Variants in SLCO3A1 observed in about 807,000 individuals in gnomAD.
SLCO3A1 encodes the protein PGE1 transporter.
SLCO3A1 carries 27 observed loss-of-function variants against 63.1 expected under a neutral mutation model. That is an observed-to-expected ratio of 0.43 (90% CI 0.32 to 0.59). SLCO3A1 has a LOEUF of 0.59. Among genes scored for constraint, SLCO3A1 ranks in the 20% least tolerant of loss-of-function variants. SLCO3A1 has a pLI of 0.09. For missense variants in SLCO3A1, 773 were observed against 945.8 expected (o/e 0.82, Z 2.40); for synonymous variants, 473 against 409.9 (o/e 1.15, Z -1.86).
rs1900733357 is a variant in SLCO3A1, at chr15:91,968,339, C to T, written c.646+51881C>T. Among the ~76,000 whole-genome samples the T allele has an allele frequency of 6.6e-6, 1 of 152,032 alleles. No individual in the cohort carries two copies. Among genetic ancestry groups the T allele is most frequent in the Non-Finnish European group, 1.5e-5 (1 of 68,022 alleles). ...CATCATTAAAATGACTTTCTAGTCT[C>T]CTGCGAGCTTTCTCTCAAGTAGATT... On this transcript the variant is annotated intron_variant, in intron 2 of 9. Transcript: ENST00000318445. This position sits in a 1 kb window ranked among gnomAD's most constrained non-coding sequence, Gnocchi z 4.2.
intron 7 of SLCO3A1, among the ~76,000 whole-genome samples, chr15:92,145,779 C>T (rs1467675000): frequency 6.6e-6 from 1 of 152,198 alleles, no homozygotes; most frequent in African/African-American, 2.4e-5. Context: ...GGCACCTGCT[C>T]TGGGCAGACA....
intron 2 of SLCO3A1, among the ~76,000 whole-genome samples, chr15:91,994,497 G>T (rs1277908269): frequency 1.3e-5 from 2 of 152,204 alleles, no homozygotes; most frequent in Admixed American, 1.3e-4. Flanking sequence ...AGCCTGGCCA[G>T]AGTCCATGCC....
intron 2 of SLCO3A1, among the ~76,000 whole-genome samples, chr15:91,935,753 CTG>C (rs1446637368): frequency 6.6e-6 from 1 of 152,134 alleles, no homozygotes; most frequent in African/African-American, 2.4e-5. Flanking sequence ...GAGCAGGTAT[CTG>C]TGCCTATATG....
intron 1 of SLCO3A1, among the ~76,000 whole-genome samples, chr15:91,914,441 A>G (rs1432547590): frequency 6.6e-6 from 1 of 152,084 alleles, no homozygotes; most frequent in African/African-American, 2.4e-5. Context: ...GGTTCAAACC[A>G]GGTTTTCTTC....
chr15:91,993,333 G>A (rs1401210788), intron 2 of SLCO3A1, among the ~76,000 whole-genome samples: 1 of 152,188 alleles, frequency 6.6e-6, no homozygotes, highest in African/African-American at 2.4e-5. Context: ...AAGTTACAGA[G>A]CACTTTTGGT....
intron 1 of SLCO3A1, among the ~76,000 whole-genome samples, chr15:91,877,536 C>T (rs557487510): frequency 2.2e-4 from 34 of 152,100 alleles, no homozygotes; most frequent in African/African-American, 6.0e-4. Flanking sequence ...GTATGGTGGC[C>T]GAATGTAGAA....
At chr15:92,004,558 A>G (rs946687019) in intron 2 of SLCO3A1, among the ~76,000 whole-genome samples, 1 of 152,190 alleles carries the variant, frequency 6.6e-6, no homozygotes, top group Non-Finnish European at 1.5e-5. Context: ...TGGCCATTTT[A>G]TTGACAAACA....
chr15:91,979,984 T>G (rs910939985), intron 2 of SLCO3A1, among the ~76,000 whole-genome samples: 2 of 152,164 alleles, frequency 1.3e-5, no homozygotes, highest in African/African-American at 4.8e-5. Flanking sequence ...AGAAAACATG[T>G]TTTCCTGGGG....
chr15:92,032,453 G>T (rs1311833419), intron 2 of SLCO3A1, among the ~76,000 whole-genome samples: 3 of 152,144 alleles, frequency 2.0e-5, no homozygotes, highest in African/African-American at 4.8e-5. Flanking sequence ...CCCAGTCTAG[G>T]GCTGTGTTAT....
chr15:92,103,655 C>A (rs2047632400), intron 3 of SLCO3A1, among the ~76,000 whole-genome samples: 1 of 151,978 alleles, frequency 6.6e-6, no homozygotes, highest in African/African-American at 2.4e-5. Flanking sequence ...TTTGATCTTC[C>A]CACTAAGTAC....
rs561961228 is a variant in SLCO3A1, at chr15:92,136,533, C to T, written c.1512+8044C>T. Among the ~76,000 whole-genome samples, 8 of 152,272 alleles carry T rather than the reference C, an allele frequency of 5.3e-5. No homozygotes were observed. The East Asian group carries it at 1.5e-3, about 29-fold the overall frequency. ...TAGCCTTCTTGTAATTATTTATTCTCATCATTGTATGTGAATAGAAACATT... is the reference window on the plus strand; with the variant it reads ...TAGCCTTCTTGTAATTATTTATTCTTATCATTGTATGTGAATAGAAACATT... On this transcript the variant is annotated intron_variant, in intron 7 of 9. Coordinates refer to ENST00000318445, the MANE Select transcript of SLCO3A1 (RefSeq NM_013272.4).
At chr15:91,983,411 C>T (rs1397104068) in intron 2 of SLCO3A1, among the ~76,000 whole-genome samples, 1 of 152,162 alleles carries the variant, frequency 6.6e-6, no homozygotes, top group Non-Finnish European at 1.5e-5. Context: ...AGGTCCATAT[C>T]CTTTATCCCC....
At chr15:92,159,074 T>G (rs1596157536) in intron 9 of SLCO3A1, among the ~76,000 whole-genome samples, 1 of 152,218 alleles carries the variant, frequency 6.6e-6, no homozygotes, top group Admixed American at 6.5e-5. Context: ...CACACCTCAT[T>G]TGTGTAGTGT....
chr15:92,022,659 A>G (rs2046524781), intron 2 of SLCO3A1, among the ~76,000 whole-genome samples: 1 of 152,236 alleles, frequency 6.6e-6, no homozygotes, highest in Admixed American at 6.5e-5. Flanking sequence ...CTCACAGGGT[A>G]CAGCAAGTCT....
chr15:92,035,885 A>G (rs889943570), intron 2 of SLCO3A1, among the ~76,000 whole-genome samples: 17 of 151,770 alleles, frequency 1.1e-4, no homozygotes, highest in Admixed American at 7.9e-4. Flanking sequence ...TGGTACCACA[A>G]TTTGGGTCCC....
At chr15:92,125,652 G>C (rs1211646513) in intron 5 of SLCO3A1, among the ~76,000 whole-genome samples, 1 of 151,818 alleles carries the variant, frequency 6.6e-6, no homozygotes, top group African/African-American at 2.4e-5. Context: ...ATGATCTCAA[G>C]TCCGCTTCCC....
intron 2 of SLCO3A1, among the ~76,000 whole-genome samples, chr15:91,999,044 CA>C (rs902306392): frequency 6.6e-6 from 1 of 152,164 alleles, no homozygotes; most frequent in African/African-American, 2.4e-5. Context: ...AACAGAAAAT[CA>C]AATACCACAT....
intron 2 of SLCO3A1, among the ~76,000 whole-genome samples, chr15:92,007,624 C>T (rs546229706): frequency 4.6e-5 from 7 of 152,220 alleles, no homozygotes; most frequent in South Asian, 2.1e-4. Context: ...ATTTAATTGA[C>T]GCTAAGAACC....
intron 9 of SLCO3A1, among the ~76,000 whole-genome samples, chr15:92,153,867 G>C (rs182756044): frequency 1.7e-4 from 26 of 152,326 alleles, no homozygotes; most frequent in African/African-American, 6.3e-4. Flanking sequence ...GGAAAGGGGG[G>C]ACAGAAGAAG....
Sources: allele counts gnomAD v4.1 joint callset (sites outside exome capture counted in the v4.1 genomes callset), GRCh38; gene constraint gnomAD v4.1.1; non-coding constraint Gnocchi (gnomAD v3.1); transcripts MANE v1.5; gene names NCBI Gene and HGNC (gene_info 2026-07-23, HGNC 2026-07-21).